Variants in COA6 observed in about 807,000 individuals in gnomAD.
The protein encoded by COA6 is cytochrome c oxidase assembly factor 6 homolog.
A neutral mutation model predicts 17.1 loss-of-function variants in COA6; 12 were observed. That is an observed-to-expected ratio of 0.70 (90% CI 0.45 to 1.14). The LOEUF is 1.14. COA6 is among the 50% of genes most tolerant of loss of function. The pLI, the probability that COA6 is intolerant of heterozygous loss-of-function variation, is 0.00. For synonymous variants in COA6, 90 were observed against 73.4 expected (o/e 1.23, Z -1.16); for missense variants, 246 against 196.5 (o/e 1.25, Z -1.51).
chr1:234,377,021 A>C (rs7526656), intron 2 of COA6, among the ~76,000 whole-genome samples: 40,152 of 88,910 alleles, frequency 0.45, 12,870 homozygotes, highest in African/African-American at 0.74. Flanking sequence ...GAGGGCCCTC[A>C]TCCTGGCTTG....
At chr1:234,378,647 G>A (rs987089800) in intron 2 of COA6, among the ~76,000 whole-genome samples, 2 of 152,166 alleles carry the variant, frequency 1.3e-5, no homozygotes, top group Admixed American at 6.5e-5. Flanking sequence ...GCCGAGGTGG[G>A]CGGATCACCT....
chr1:234,384,547 A>G lies in COA6; in HGVS notation c.*729A>G, dbSNP rs1336923452. 6.6e-6 allele frequency among the ~76,000 whole-genome samples: 1 copy of G among 152,234 alleles called. No homozygotes were observed. The highest frequency in any genetic ancestry group is 1.5e-5 in the Non-Finnish European group (1 of 68,034). On this transcript the variant is annotated 3_prime_UTR_variant, in exon 3 of 3. Coordinates refer to ENST00000366615, the MANE Select transcript of COA6 (RefSeq NM_001206641.3). The stretch of plus-strand genomic sequence containing the variant: ...TATATATCAGCAATAAACAACTGGA[A>G]TTTAAAACTTAAAAATACCATTTGT...
At chr1:234,373,948 C>A in intron 1 of COA6, 1 of 1,332,628 alleles carries the variant, frequency 7.5e-7, no homozygotes, top group Non-Finnish European at 1.0e-6. Context: ...GACAGAACCA[C>A]AGTTCTCAGC....
rs761853307 is a variant in COA6 at position 234,373,938 on chromosome 1, G to A, written c.212+260G>A. On this transcript the variant is annotated intron_variant, in intron 1 of 2. Coordinates refer to ENST00000366615, the MANE Select transcript of COA6 (RefSeq NM_001206641.3). ...TAAATGAGCTGCCCTAAGCGACTGG[G>A]ACAGAACCACAGTTCTCAGCCGGGC... 1,043 of 1,393,998 alleles carry A rather than the reference G, an allele frequency of 7.5e-4. 2 individuals carry two copies. The highest frequency in any genetic ancestry group is 9.2e-4 in the Non-Finnish European group (951 of 1,030,312). 86.4% of individuals were successfully genotyped at this position (1,393,998 alleles called of 1,614,324 possible). A position where few individuals can be genotyped will look rare whatever the true frequency, so the allele number is the denominator to read the frequency against.
intron 2 of COA6, among the ~76,000 whole-genome samples, 187 bp from the exon 3 acceptor site, chr1:234,383,536 A>T (rs78793920): frequency 4.9e-5 from 7 of 142,156 alleles, no homozygotes; most frequent in Admixed American, 7.0e-5. Context: ...AAAGTATAAT[A>T]AAAAAAAAAA....
At chr1:234,378,756 C>T (rs1188002508) in intron 2 of COA6, among the ~76,000 whole-genome samples, 4 of 152,012 alleles carry the variant, frequency 2.6e-5, no homozygotes, top group African/African-American at 9.7e-5. Context: ...ACCTGTAATC[C>T]CAACTATTTG....
At chr1:234,373,840 G>T in intron 1 of COA6, 162 bp downstream of exon 1, 1 of 1,613,216 alleles carries the variant, frequency 6.2e-7, no homozygotes, top group South Asian at 1.1e-5. Flanking sequence ...ACAGCGCTTA[G>T]GTTCGAACAG....
rs75628912 is a variant in COA6 at position 234,380,255 on chromosome 1, G to A, written c.373-3468G>A. 6.0e-3 allele frequency among the ~76,000 whole-genome samples: 911 copies of A among 152,272 alleles called. 9 individuals are homozygous for A. Among genetic ancestry groups the A allele is most frequent in the African/African-American group, 0.021 (875 of 41,550 alleles). ...CTGAAAAGTTTTTCCAGAGATATGT[G>A]TGCATAAGGGTGGGGAGGCACACGG... On this transcript the variant is annotated intron_variant, in intron 2 of 2. Transcript: ENST00000366615.
Position 234,373,617 on chromosome 1 carries a change from G to C in COA6, c.151G>C (p.Ala51Pro), listed in dbSNP as rs1305499849. Residue 51 changes from alanine (A) to proline (P), a missense_variant, in exon 1 of 3, where the codon GCC becomes CCC. Physicochemically the swap from Ala to Pro is conservative, Grantham distance 27. Transcript: ENST00000366615. ...RHRALHRRLV[A>P]CVTVSSRRHR... ...CCGCGCCCTCCACCGCCGGTTGGTG[G>C]CCTGCGTGACAGTTTCCTCCCGTCG... 33 of 1,613,018 alleles carry C rather than the reference G, an allele frequency of 2.0e-5. No individual in the cohort carries two copies. Among genetic ancestry groups the C allele is most frequent in the Non-Finnish European group, 2.7e-5 (32 of 1,179,670 alleles).
chr1:234,379,940 A>G (rs1165957132), intron 2 of COA6, among the ~76,000 whole-genome samples: 1 of 152,214 alleles, frequency 6.6e-6, no homozygotes, highest in African/African-American at 2.4e-5. Context: ...GGGTGGGGAC[A>G]CAAAGCCTAA....
chr1:234,384,806 A>T lies in COA6; in HGVS notation c.*988A>T, dbSNP rs1347094020. On this transcript the variant is annotated 3_prime_UTR_variant, in exon 3 of 3. Coordinates refer to ENST00000366615, the MANE Select transcript of COA6 (RefSeq NM_001206641.3). ...AATTTAAAAATCCAGTATAACACCT[A>T]TTTACATTGTATTAGGTATTGTAAG... Among the ~76,000 whole-genome samples the T allele has an allele frequency of 2.6e-5, 4 of 152,216 alleles. No homozygotes were observed. Among genetic ancestry groups the T allele is most frequent in the Non-Finnish European group, 4.4e-5 (3 of 68,046 alleles).
intron 1 of COA6, 112 bp from the exon 2 acceptor site, chr1:234,374,118 T>A: frequency 1.0e-6 from 1 of 993,034 alleles, no homozygotes; most frequent in South Asian, 1.8e-5. Flanking sequence ...TTTTGTTTTT[T>A]TTTTTTTTTT....
rs778483380 is a variant in COA6, at chr1:234,373,491, A to T, written c.25A>T (p.Ser9Cys). 18 of 1,585,118 alleles carry T rather than the reference A, an allele frequency of 1.1e-5. No homozygotes were observed. Among genetic ancestry groups the T allele is most frequent in the Admixed American group, 1.8e-5 (1 of 54,798 alleles). The change falls in exon 1 of 3, where the codon AGT becomes TGT. Residue 9 changes from serine (S) to cysteine (C), a missense_variant. Physicochemically the swap from Ser to Cys is moderately radical, Grantham distance 112 (BLOSUM62 -1). Coordinates refer to ENST00000366615, the MANE Select transcript of COA6 (RefSeq NM_001206641.3). MVARKGQK[S>C]PRFRRVSCFL... ...AATGGTAGCTCGGAAGGGTCAAAAG[A>T]GTCCGCGGTTTCGCCGCGTGAGTTG...
At position 234,374,119 on chromosome 1, in the gene COA6, T is replaced by TTTTG. The variant is rs369556890; in HGVS notation, c.213-108_213-107insGTTT. On this transcript the variant is annotated intron_variant, in intron 1 of 2. Coordinates refer to ENST00000366615, the MANE Select transcript of COA6 (RefSeq NM_001206641.3). ...TGGTTTTGTTTTGTTTTTGTTTTTTTTTTTTTTTTTAGTTTTAAAGGAAGA... is the reference window on the plus strand; with the variant it reads ...TGGTTTTGTTTTGTTTTTGTTTTTTTTTTGTTTTTTTTTTAGTTTTAAAGGAAGA... 1,058 of 1,081,996 alleles carry TTTTG rather than the reference T, an allele frequency of 9.8e-4. 9 individuals are homozygous for TTTTG. Among genetic ancestry groups the TTTTG allele is most frequent in the Non-Finnish European group, 1.2e-3 (955 of 774,172 alleles). 67.0% of individuals were successfully genotyped at this position (1,081,996 alleles called of 1,614,324 possible).
intron 1 of COA6, 99 bp from the exon 2 acceptor site, chr1:234,374,128 TTAG>T: frequency 8.4e-7 from 1 of 1,194,454 alleles, no homozygotes; most frequent in Non-Finnish European, 1.2e-6. Context: ...TTTTTTTTTT[TTAG>T]TTTTAAAGGA....
intron 2 of COA6, among the ~76,000 whole-genome samples, chr1:234,380,353 T>C (rs1273450949): frequency 6.6e-6 from 1 of 152,256 alleles, no homozygotes; most frequent in African/African-American, 2.4e-5. Flanking sequence ...CCTTTAATTT[T>C]CATTCAGTCT....
intron 2 of COA6, among the ~76,000 whole-genome samples, chr1:234,375,889 C>T (rs933966560): frequency 6.6e-6 from 1 of 152,168 alleles, no homozygotes; most frequent in African/African-American, 2.4e-5. Flanking sequence ...CTCCTGGGCT[C>T]AAGTGATCTT....
chr1:234,376,081 CTA>C (rs1332601648), intron 2 of COA6, among the ~76,000 whole-genome samples: 1 of 152,136 alleles, frequency 6.6e-6, no homozygotes, highest in African/African-American at 2.4e-5. Flanking sequence ...ATGTGGGACT[CTA>C]TGATTGAATT....
Position 234,381,413 on chromosome 1 carries a change from G to A in COA6, c.373-2310G>A, listed in dbSNP as rs115029023. ...ATGCAAAGGCATGGAATCAAGACGC[G>A]CAGGAAATGAGCATGGGGTAGCTCT... On this transcript the variant is annotated intron_variant, in intron 2 of 2. Coordinates refer to ENST00000366615, the MANE Select transcript of COA6 (RefSeq NM_001206641.3). Among the ~76,000 whole-genome samples, 427 of 152,330 alleles carry A rather than the reference G, an allele frequency of 2.8e-3. 4 individuals carry two copies. The highest frequency in any genetic ancestry group is 9.8e-3 in the African/African-American group (407 of 41,564).
Sources: gnomAD v4.1 joint callset for allele counts (sites outside exome capture counted in the v4.1 genomes callset) on GRCh38, gnomAD v4.1.1 for gene constraint, MANE v1.5 for transcripts, NCBI Gene and HGNC (gene_info 2026-07-23, HGNC 2026-07-21) for gene names.